Variants in TMTC2 observed in about 807,000 individuals in gnomAD.
TMTC2 encodes the protein protein O-mannosyl-transferase TMTC2.
A neutral mutation model predicts 82.4 loss-of-function variants in TMTC2; 43 were observed. That is an observed-to-expected ratio of 0.52 (90% CI 0.41 to 0.67). TMTC2 has a LOEUF of 0.67. Ranked by LOEUF, TMTC2 falls within the 30% of genes least tolerant of loss-of-function variation. The probability of loss-of-function intolerance (pLI) is 0.00; values close to 1 mark genes in which losing one functional copy is unlikely to be tolerated. For synonymous variants in TMTC2, 408 were observed against 381.9 expected, an observed-to-expected ratio of 1.07 and a Z score of -0.80; for missense variants, 919 against 1,012.4, an observed-to-expected ratio of 0.91 and a Z score of 1.25.
Position 83,004,722 on chromosome 12 carries a change from ATTTTTTTTTTTTTTTTTTTTTTTTTTT to A in TMTC2, c.2070+18695_2070+18721del, listed in dbSNP as rs528076999. Among the ~76,000 whole-genome samples the A allele has an allele frequency of 1.4e-3, 49 of 36,044 alleles. 4 individuals carry two copies. Among genetic ancestry groups the A allele is most frequent in the East Asian group, 0.013 (10 of 748 alleles). The allele number at this position is 36,044 out of a possible 152,430, so 23.6% of individuals were successfully genotyped here. On this transcript the variant is annotated intron_variant, in intron 8 of 11. Coordinates refer to ENST00000321196, the MANE Select transcript of TMTC2 (RefSeq NM_152588.3). Reference sequence around the variant, plus strand: ...TTCACAGGCAGTGTATACTGGCCGAATTTTTTTTTTTTTTTTTTTTTTTTTTTTTTTTTTTTTTTTTTTTTGAGTAGG... The same window carrying A: ...TTCACAGGCAGTGTATACTGGCCGAATTTTTTTTTTTTTTTTTTGAGTAGG...
intron 11 of TMTC2, among the ~76,000 whole-genome samples, chr12:83,117,103 G>T (rs1269372032): frequency 6.6e-6 from 1 of 152,110 alleles, no homozygotes; most frequent in Non-Finnish European, 1.5e-5. Context: ...TGATTTTTGT[G>T]TCAGGTGAGA....
chr12:82,864,146 A>G (rs185387114), intron 2 of TMTC2, among the ~76,000 whole-genome samples: 2 of 152,292 alleles, frequency 1.3e-5, no homozygotes, highest in East Asian at 1.9e-4. Flanking sequence ...TTTGGCAGAT[A>G]CACAGAGGAC....
At chr12:82,955,277 A>C (rs1018914659) in intron 4 of TMTC2, among the ~76,000 whole-genome samples, 3 of 152,180 alleles carry the variant, frequency 2.0e-5, no homozygotes, top group Non-Finnish European at 2.9e-5. Context: ...GGAGGAAGTC[A>C]GTCCTGATTG....
intron 3 of TMTC2, among the ~76,000 whole-genome samples, chr12:82,899,453 T>C (rs1442230251): frequency 1.3e-5 from 2 of 151,210 alleles, no homozygotes; most frequent in Admixed American, 1.3e-4. Context: ...GCTTGGCCAC[T>C]TTTTACCACC....
chr12:82,942,631 T>C (rs7965229), intron 4 of TMTC2, among the ~76,000 whole-genome samples: 110,741 of 152,144 alleles, frequency 0.73, 41,736 homozygotes, highest in South Asian at 0.85. Flanking sequence ...CTTGAATATA[T>C]TTTAACATTA....
intron 9 of TMTC2, among the ~76,000 whole-genome samples, chr12:83,031,125 CA>C (rs1162294749): frequency 6.6e-6 from 1 of 151,336 alleles, no homozygotes; most frequent in Non-Finnish European, 1.5e-5. Flanking sequence ...TGTTTTTTTT[CA>C]AGTTCAGTGT....
At chr12:82,884,718 T>G (rs1474409706) in intron 2 of TMTC2, among the ~76,000 whole-genome samples, 1 of 152,204 alleles carries the variant, frequency 6.6e-6, no homozygotes, top group African/African-American at 2.4e-5. Context: ...CCTGCATTAG[T>G]GTTGTGCATT....
At chr12:83,064,898 A>C (rs935017208) in intron 11 of TMTC2, among the ~76,000 whole-genome samples, 3 of 151,976 alleles carry the variant, frequency 2.0e-5, no homozygotes, top group Non-Finnish European at 2.9e-5. Flanking sequence ...TTACCTGCCT[A>C]TATGATAGCA....
At chr12:82,950,410 T>C (rs537276835) in intron 4 of TMTC2, among the ~76,000 whole-genome samples, 159 of 152,242 alleles carry the variant, frequency 1.0e-3, no homozygotes, top group African/African-American at 3.8e-3. Context: ...ATTCAAAAGG[T>C]AGGTACAAAG....
chr12:83,091,921 G>A (rs1292804932), intron 11 of TMTC2, among the ~76,000 whole-genome samples: 1 of 152,136 alleles, frequency 6.6e-6, no homozygotes, highest in African/African-American at 2.4e-5. Flanking sequence ...CTTCTTTTAA[G>A]CTTTCATCTG....
intron 7 of TMTC2, among the ~76,000 whole-genome samples, chr12:82,983,416 G>T (rs1879014618): frequency 6.6e-6 from 1 of 151,592 alleles, no homozygotes; most frequent in Non-Finnish European, 1.5e-5. Flanking sequence ...TGAAAAAAAT[G>T]GACCAGTCAT....
rs1882927897 is a variant in TMTC2, at chr12:83,066,658, C to T, written c.2331+4827C>T. On this transcript the variant is annotated intron_variant, in intron 11 of 11. Transcript: ENST00000321196. ...ATAGTATAGGCATAAGGTAGTGAAA[C>T]TAAAGTACAGAAATTGAGAGGAATG... Among the ~76,000 whole-genome samples, 2 of 151,452 alleles carry T rather than the reference C, an allele frequency of 1.3e-5. 1 individual carries two copies. Among genetic ancestry groups the T allele is most frequent in the South Asian group, 4.2e-4 (2 of 4,814 alleles).
intron 1 of TMTC2, among the ~76,000 whole-genome samples, chr12:82,702,385 C>G (rs1052645977): frequency 6.6e-6 from 1 of 152,166 alleles, no homozygotes; most frequent in Non-Finnish European, 1.5e-5. Flanking sequence ...CTAGTTTTCT[C>G]TAATCCACAT....
chr12:82,700,413 TC>T (rs1383382831), intron 1 of TMTC2, among the ~76,000 whole-genome samples: 1 of 152,232 alleles, frequency 6.6e-6, no homozygotes, highest in Non-Finnish European at 1.5e-5. Context: ...TAAAGATTTT[TC>T]ATAAAAGCCA....
intron 11 of TMTC2, among the ~76,000 whole-genome samples, chr12:83,073,959 T>C (rs1405365833): frequency 6.6e-6 from 1 of 152,182 alleles, no homozygotes; most frequent in African/African-American, 2.4e-5. Flanking sequence ...ATAACTAACC[T>C]CCTGGATTCT....
At chr12:83,119,420 AG>A (rs1884875135) in intron 11 of TMTC2, among the ~76,000 whole-genome samples, 1 of 152,166 alleles carries the variant, frequency 6.6e-6, no homozygotes, top group Non-Finnish European at 1.5e-5. Flanking sequence ...ATTCAGGATC[AG>A]GTTATTTAAT....
intron 9 of TMTC2, among the ~76,000 whole-genome samples, chr12:83,041,169 T>C (rs1041129513): frequency 2.6e-5 from 4 of 152,182 alleles, no homozygotes; most frequent in African/African-American, 9.6e-5. Context: ...AAAATTAGCA[T>C]ACATTCTTTT....
intron 11 of TMTC2, among the ~76,000 whole-genome samples, chr12:83,078,134 A>G (rs1056166246): frequency 1.3e-5 from 2 of 152,014 alleles, no homozygotes; most frequent in Non-Finnish European, 2.9e-5. Context: ...TTGATAAGAC[A>G]AACAAAGGTG....
rs535012157 is a variant in TMTC2 at position 83,130,181 on chromosome 12, A to AATT, written c.2332-2028_2332-2026dup. Reference sequence around the variant, plus strand: ...ATTGTATCTACTTAGCATCTTTAGTAATTTAGGCTGTGAGCATACTTCACC... The same window carrying AATT: ...ATTGTATCTACTTAGCATCTTTAGTAATTATTTAGGCTGTGAGCATACTTCACC... On this transcript the variant is annotated intron_variant, in intron 11 of 11. Transcript: ENST00000321196. Among the ~76,000 whole-genome samples the AATT allele has an allele frequency of 1.8e-3, 277 of 152,308 alleles. 1 individual carries two copies. The highest frequency in any genetic ancestry group is 6.4e-3 in the African/African-American group (268 of 41,570).
Sources: gnomAD v4.1 joint callset for allele counts (sites outside exome capture counted in the v4.1 genomes callset) on GRCh38, gnomAD v4.1.1 for gene constraint, MANE v1.5 for transcripts, NCBI Gene and HGNC (gene_info 2026-07-23, HGNC 2026-07-21) for gene names.